CTIF: variants seen among roughly 807,000 people sequenced by gnomAD.
CTIF encodes cap binding complex dependent translation initiation factor.
A neutral mutation model predicts 66.0 loss-of-function variants in CTIF; 21 were observed. The observed-to-expected ratio is 0.32, with a 90% CI of 0.23 to 0.46. CTIF has a LOEUF of 0.46. Ranked by LOEUF, CTIF falls within the 20% of genes least tolerant of loss-of-function variation. The probability of loss-of-function intolerance (pLI) is 1.00; values close to 1 mark genes in which losing one functional copy is unlikely to be tolerated. For missense variants in CTIF, 739 were observed against 812.7 expected (o/e 0.91, Z 1.10); for synonymous variants, 345 against 326.4 (o/e 1.06, Z -0.62).
At chr18:48,746,152 G>A (rs958863189) in intron 7 of CTIF, among the ~76,000 whole-genome samples, 1 of 152,208 alleles carries the variant, frequency 6.6e-6, no homozygotes, top group Non-Finnish European at 1.5e-5. Flanking sequence ...TGTCCCATCT[G>A]TGGGGCCATC....
intron 1 of CTIF, among the ~76,000 whole-genome samples, chr18:48,550,794 G>A (rs529063500): frequency 7.9e-5 from 12 of 152,116 alleles, no homozygotes; most frequent in Non-Finnish European, 1.5e-4. Context: ...GGGTGGTGCC[G>A]GCCACAGGGT....
intron 1 of CTIF, among the ~76,000 whole-genome samples, chr18:48,548,437 GTC>G (rs1210490430): frequency 6.6e-6 from 1 of 152,250 alleles, no homozygotes; most frequent in Non-Finnish European, 1.5e-5. Context: ...CGGTTTATCT[GTC>G]TCCGGTATCT....
At chr18:48,623,323 G>A (rs902919870) in intron 2 of CTIF, among the ~76,000 whole-genome samples, 3 of 152,216 alleles carry the variant, frequency 2.0e-5, no homozygotes, top group Admixed American at 6.5e-5. Flanking sequence ...TGCTGCTGCC[G>A]GAAAGGGAGG....
intron 6 of CTIF, among the ~76,000 whole-genome samples, chr18:48,696,451 C>T (rs994309639): frequency 1.3e-5 from 2 of 152,192 alleles, no homozygotes; most frequent in Non-Finnish European, 2.9e-5. Context: ...GTCTCACCGT[C>T]CCGGCCTGTG....
Position 48,761,603 on chromosome 18 carries a change from T to C in CTIF, c.1285T>C (p.Phe429Leu), listed in dbSNP as rs1909002173. Residue 429 changes from phenylalanine to leucine, a missense_variant, in exon 9 of 12, where the codon TTC (phenylalanine) becomes CTC (leucine). Physicochemically the swap from Phe to Leu is conservative, Grantham distance 22. This residue lies in a region of CTIF where 210 missense variants were observed against 292.3 expected (regional missense o/e 0.72). Coordinates refer to ENST00000256413, the MANE Select transcript of CTIF (RefSeq NM_014772.3). This position sits in a 1 kb window ranked among gnomAD's most constrained non-coding sequence, Gnocchi z 4.2. ...GGCTGTGTCCGACCGCAGCTTCGCC[T>C]TCACCGCTGCCAAGCTCTGCGACAA... is the stretch of plus-strand genomic sequence containing the variant. ...QKAVSDRSFA[F>L]TAAKLCDKMA... 6.2e-7 allele frequency: 1 copy of C among 1,614,210 alleles called. No homozygotes were observed. The highest frequency in any genetic ancestry group is 1.3e-5 in the African/African-American group (1 of 75,062).
In CTIF at chr18:48,670,697, G is replaced by C. The variant is rs200054717; in HGVS notation, c.460G>C (p.Asp154His). The C allele has an allele frequency of 6.2e-7, 1 of 1,614,158 alleles. No homozygotes were observed. Among genetic ancestry groups the C allele is most frequent in the Admixed American group, 1.7e-5 (1 of 60,026 alleles). Residue 154 changes from aspartate to histidine, a missense_variant, in exon 6 of 12, where the codon GAT becomes CAT. By Grantham distance (81) the Asp-to-His change is moderately conservative. Around this residue, in one of 2 missense-constraint regions of CTIF, gnomAD observed 529 missense variants for 520.3 expected, o/e 1.02. Transcript: ENST00000256413. ...TGGCAAAGGGAAGCTGGAAGATGGG[G>C]ATGGCATCAACCTGAATGACATCGA... ...GCGKGKLEDG[D>H]GINLNDIEKV...
chr18:48,545,907 G>A (rs561644095), intron 1 of CTIF, among the ~76,000 whole-genome samples: 2 of 152,292 alleles, frequency 1.3e-5, no homozygotes, highest in South Asian at 4.1e-4. Context: ...AGCCAGGCGG[G>A]GATGCTGTGT....
chr18:48,694,071 C>T (rs2091972161), intron 6 of CTIF, among the ~76,000 whole-genome samples: 1 of 152,188 alleles, frequency 6.6e-6, no homozygotes, highest in Non-Finnish European at 1.5e-5. Context: ...GACAATAAGT[C>T]CTGGTTGGCT....
intron 7 of CTIF, among the ~76,000 whole-genome samples, chr18:48,736,139 A>G (rs1473522104): frequency 2.0e-5 from 3 of 152,146 alleles, no homozygotes; most frequent in Non-Finnish European, 4.4e-5. Flanking sequence ...TTCTTCCAAG[A>G]TACACTGAGT....
intron 6 of CTIF, among the ~76,000 whole-genome samples, chr18:48,684,941 C>T (rs917823386): frequency 1.3e-5 from 2 of 151,980 alleles, no homozygotes; most frequent in African/African-American, 4.8e-5. Context: ...AATACTGTTA[C>T]ATAACCTGTA....
At chr18:48,815,686 A>G (rs2068347924) in intron 9 of CTIF, among the ~76,000 whole-genome samples, 1 of 152,176 alleles carries the variant, frequency 6.6e-6, no homozygotes, top group African/African-American at 2.4e-5. Flanking sequence ...TCTAGATTGC[A>G]CCTTCATCAC....
intron 1 of CTIF, among the ~76,000 whole-genome samples, chr18:48,615,800 C>T (rs766114721): frequency 6.6e-6 from 1 of 152,170 alleles, no homozygotes; most frequent in Non-Finnish European, 1.5e-5. Context: ...GGTGAGGCGC[C>T]GCTGGGCTAC....
chr18:48,822,726 G>A (rs1231107516), intron 10 of CTIF, among the ~76,000 whole-genome samples: 1 of 152,062 alleles, frequency 6.6e-6, no homozygotes, highest in East Asian at 1.9e-4. Context: ...AAGTTTTTGA[G>A]GACCCTCCAT....
At chr18:48,837,226 C>A (rs530846507) in intron 10 of CTIF, among the ~76,000 whole-genome samples, 2 of 152,162 alleles carry the variant, frequency 1.3e-5, no homozygotes, top group Non-Finnish European at 2.9e-5. Flanking sequence ...GATCCAAATC[C>A]TCATCCCTGT....
chr18:48,646,800 G>A (rs2091041022), intron 3 of CTIF, among the ~76,000 whole-genome samples: 1 of 149,802 alleles, frequency 6.7e-6, no homozygotes, highest in Admixed American at 6.7e-5. Flanking sequence ...CTAAATGACA[G>A]CGTCCAATGC....
intron 1 of CTIF, among the ~76,000 whole-genome samples, chr18:48,601,552 G>T (rs537527236): frequency 6.6e-6 from 1 of 152,336 alleles, no homozygotes; most frequent in Admixed American, 6.5e-5. Context: ...ATTATTGAAT[G>T]ACAGCCTGGG....
At chr18:48,613,731 A>T (rs2090349867) in intron 1 of CTIF, among the ~76,000 whole-genome samples, 1 of 152,160 alleles carries the variant, frequency 6.6e-6, no homozygotes, top group African/African-American at 2.4e-5. Flanking sequence ...CTTTCCCCAG[A>T]CAGACACAGA....
chr18:48,855,569 G>C (rs1450655439), intron 10 of CTIF, among the ~76,000 whole-genome samples: 1 of 152,220 alleles, frequency 6.6e-6, no homozygotes, highest in Non-Finnish European at 1.5e-5. Context: ...CCGTCTCTGC[G>C]TCCAACATCT....
intron 6 of CTIF, among the ~76,000 whole-genome samples, chr18:48,687,323 C>CACAA (rs2091856606): frequency 6.7e-6 from 1 of 150,374 alleles, no homozygotes; most frequent in Non-Finnish European, 1.5e-5. Flanking sequence ...CACACACACA[C>CACAA]ACACACACAC....
Sources: gnomAD v4.1 joint callset for allele counts (sites outside exome capture counted in the v4.1 genomes callset) on GRCh38, gnomAD v4.1.1 for gene constraint, gnomAD v4.1.1 regional missense constraint, Gnocchi (gnomAD v3.1) non-coding constraint, MANE v1.5 for transcripts, NCBI Gene and HGNC (gene_info 2026-07-23, HGNC 2026-07-21) for gene names.